Variants in PCDHA1 observed in about 807,000 individuals in gnomAD.
The protein encoded by PCDHA1 is protocadherin alpha-1.
PCDHA1 carries 42 observed loss-of-function variants against 61.3 expected under a neutral mutation model. The observed-to-expected ratio is 0.69, with a 90% CI of 0.54 to 0.89. The LOEUF is 0.89. PCDHA1 is among the 40% of genes least tolerant of loss of function. PCDHA1 has a pLI of 0.00. For synonymous variants in PCDHA1, 610 were observed against 553.8 expected (o/e 1.10, Z -1.43); for missense variants, 1,256 against 1,235.3 (o/e 1.02, Z -0.25).
At position 140,883,268 on chromosome 5, in the gene PCDHA1, T is replaced by C. The variant is rs782069573; in HGVS notation, c.2394+94584T>C. 3 of 1,613,912 alleles carry C rather than the reference T, an allele frequency of 1.9e-6. No homozygotes were observed. The African/African-American group carries it at 4.0e-5, about 22-fold the overall frequency. On this transcript the variant is annotated intron_variant, in intron 1 of 3. Coordinates refer to ENST00000504120, the MANE Select transcript of PCDHA1 (RefSeq NM_018900.4). ...AGGAAATATTCCAATGGCGGGTCAT[T>C]GTACCCTTTTGGTGGAAGTACTAGA...
intron 1 of PCDHA1, chr5:140,809,712 T>C (rs1764529866): frequency 2.9e-6 from 3 of 1,022,172 alleles, no homozygotes; most frequent in Non-Finnish European, 4.2e-6. Flanking sequence ...TAAAGTCTTT[T>C]GGAATTATAG....
At chr5:140,984,790 G>A (rs2097121430) in intron 3 of PCDHA1, among the ~76,000 whole-genome samples, 1 of 152,104 alleles carries the variant, frequency 6.6e-6, no homozygotes, top group Admixed American at 6.5e-5. Flanking sequence ...GGTGAGCATA[G>A]ACAAACTGCC....
rs1554122542 is a variant in PCDHA1 at position 140,803,040 on chromosome 5, A to C, written c.2394+14356A>C. Reference sequence around the variant, plus strand: ...GCTTTCGTATGAGCTGCAGCCTGGGACCGGCGGTGCGCGCATCCCGTTTCG... The same window carrying C: ...GCTTTCGTATGAGCTGCAGCCTGGGCCCGGCGGTGCGCGCATCCCGTTTCG... On this transcript the variant is annotated intron_variant, in intron 1 of 3. Transcript: ENST00000504120. The C allele has an allele frequency of 2.5e-6, 4 of 1,614,002 alleles. No individual in the cohort carries two copies. In the Admixed American group the frequency reaches 6.7e-5, roughly 27 times the overall value.
chr5:140,857,928 C>A (rs529968685), intron 1 of PCDHA1: 1 of 1,597,668 alleles, frequency 6.3e-7, no homozygotes, highest in East Asian at 2.2e-5. Flanking sequence ...GGGCTGTACA[C>A]GGGCGAGATC....
At chr5:140,791,655 C>T (rs558501717) in intron 1 of PCDHA1, among the ~76,000 whole-genome samples, 5 of 152,166 alleles carry the variant, frequency 3.3e-5, no homozygotes, top group East Asian at 3.9e-4. Context: ...GACATCTGAC[C>T]GTTAAGCAGA....
In PCDHA1 at chr5:140,877,149, C is replaced by G. The variant is rs2056888845; in HGVS notation, c.2394+88465C>G. The G allele has an allele frequency of 2.5e-6, 4 of 1,613,648 alleles. No individual in the cohort carries two copies. The highest frequency in any genetic ancestry group is 1.1e-5 in the South Asian group (1 of 91,078). On this transcript the variant is annotated intron_variant, in intron 1 of 3. Coordinates refer to ENST00000504120, the MANE Select transcript of PCDHA1 (RefSeq NM_018900.4). ...TGCAGGTGTTCGTGCTGGACGAGAA[C>G]GACAACGCGCCGGCACTGCTGGCGA... is the stretch of plus-strand genomic sequence containing the variant.
chr5:140,792,589 A>G (rs1286288315), intron 1 of PCDHA1, among the ~76,000 whole-genome samples: 7 of 152,320 alleles, frequency 4.6e-5, no homozygotes, highest in African/African-American at 1.7e-4. Flanking sequence ...CCATATTCTC[A>G]GAAATCCTAA....
chr5:140,859,066 G>A (rs949613185), intron 1 of PCDHA1: 1 of 150,848 alleles, frequency 6.6e-6, no homozygotes, highest in Non-Finnish European at 1.5e-5. Flanking sequence ...TATTTTAGTT[G>A]TAGTGGTACC....
chr5:140,986,285 A>AGACT (rs1311762694), intron 3 of PCDHA1, among the ~76,000 whole-genome samples: 3 of 152,134 alleles, frequency 2.0e-5, no homozygotes, highest in Admixed American at 2.0e-4. Flanking sequence ...GCTTCCCTTG[A>AGACT]GACTGAGCAG....
chr5:140,876,648 T>A, intron 1 of PCDHA1: 4 of 1,614,208 alleles, frequency 2.5e-6, no homozygotes, highest in Non-Finnish European at 3.4e-6. Flanking sequence ...TGACACCTCA[T>A]GTTCCCTTCA....
chr5:140,796,284 C>G (rs1554119811), intron 1 of PCDHA1: 8 of 1,614,140 alleles, frequency 5.0e-6, no homozygotes, highest in Non-Finnish European at 5.9e-6. Flanking sequence ...CCACCACCAG[C>G]GTGTCCATCG....
chr5:140,841,115 G>T (rs1777030061), intron 1 of PCDHA1: 4 of 612,976 alleles, frequency 6.5e-6, no homozygotes, highest in Non-Finnish European at 1.1e-5. Flanking sequence ...AGTAATTCAT[G>T]TAATCATTAC....
intron 1 of PCDHA1, chr5:140,870,919 CT>C (rs1562653796): frequency 5.6e-6 from 9 of 1,613,952 alleles, no homozygotes; most frequent in Non-Finnish European, 7.6e-6. Flanking sequence ...CAACGCGTGG[CT>C]TTCATATGAA....
intron 1 of PCDHA1, among the ~76,000 whole-genome samples, chr5:140,953,994 A>G (rs1464982369): frequency 6.6e-6 from 1 of 151,886 alleles, no homozygotes; most frequent in Non-Finnish European, 1.5e-5. Flanking sequence ...TTTCATGTGT[A>G]CTCATCATTC....
intron 3 of PCDHA1, among the ~76,000 whole-genome samples, chr5:141,003,593 G>A (rs1291518572): frequency 6.6e-6 from 1 of 152,140 alleles, no homozygotes; most frequent in African/African-American, 2.4e-5. Flanking sequence ...GATTTTAGAT[G>A]TGAGCCACCA....
chr5:140,971,420 TGAA>T (rs782149033), intron 1 of PCDHA1, among the ~76,000 whole-genome samples: 3 of 152,112 alleles, frequency 2.0e-5, no homozygotes, highest in Non-Finnish European at 4.4e-5. Flanking sequence ...GGAAATCCAG[TGAA>T]GAACCCCAAG....
In PCDHA1 at chr5:140,849,939, G is replaced by T; in HGVS notation, c.2394+61255G>T. On this transcript the variant is annotated intron_variant, in intron 1 of 3. Coordinates refer to ENST00000504120, the MANE Select transcript of PCDHA1 (RefSeq NM_018900.4). ...CATCTTCACGGTGTCTGCGCGGGAC[G>T]CTGACGCGCAGGAGAACGCCCTGGT... The T allele has an allele frequency of 6.3e-7, 1 of 1,598,036 alleles. No homozygotes were observed. The highest frequency in any genetic ancestry group is 8.6e-7 in the Non-Finnish European group (1 of 1,167,746).
chr5:140,967,181 T>C (rs782433025), intron 1 of PCDHA1: 4 of 1,613,136 alleles, frequency 2.5e-6, no homozygotes, highest in East Asian at 2.2e-5. Context: ...GGTGGAAATA[T>C]TGGACATCAA....
In PCDHA1 at chr5:140,787,507, CGTTGGT is replaced by C; in HGVS notation, c.1223_1228del (p.Val408_Leu409del). 1 of 1,614,202 alleles carries C rather than the reference CGTTGGT, an allele frequency of 6.2e-7. No individual in the cohort carries two copies. The highest frequency in any genetic ancestry group is 1.1e-5 in the South Asian group (1 of 91,074). ...GTGTCCACCTTCAAGAATTACTACT[CGTTGGT>C]GTTGGACAGCGCCCTGGATCGCGAG... On this transcript the variant is annotated inframe_deletion, in exon 1 of 4. Transcript: ENST00000504120.
Sources: gnomAD v4.1 joint callset for allele counts (sites outside exome capture counted in the v4.1 genomes callset) on GRCh38, gnomAD v4.1.1 for gene constraint, MANE v1.5 for transcripts, NCBI Gene and HGNC (gene_info 2026-07-23, HGNC 2026-07-21) for gene names.